Variants in XYLT1 observed in about 807,000 individuals in gnomAD.
The protein encoded by XYLT1 is xylosyltransferase 1.
A neutral mutation model predicts 91.3 loss-of-function variants in XYLT1; 36 were observed. The observed-to-expected ratio is 0.39, with a 90% CI of 0.30 to 0.52. The LOEUF is 0.52. Among genes scored for constraint, XYLT1 ranks in the 20% least tolerant of loss-of-function variants. The probability of loss-of-function intolerance (pLI) is 0.68; values close to 1 mark genes in which losing one functional copy is unlikely to be tolerated. For missense variants in XYLT1, 1,242 were observed against 1,284.5 expected, an observed-to-expected ratio of 0.97 and a Z score of 0.51; for synonymous variants, 588 against 532.0, an observed-to-expected ratio of 1.11 and a Z score of -1.45.
At chr16:17,442,257 CGT>C (rs1444518970) in intron 1 of XYLT1, among the ~76,000 whole-genome samples, 1 of 152,136 alleles carries the variant, frequency 6.6e-6, no homozygotes, top group African/African-American at 2.4e-5. Flanking sequence ...AAACTGTATG[CGT>C]GTGTCTCATA....
chr16:17,136,424 A>G (rs904529709), intron 8 of XYLT1, among the ~76,000 whole-genome samples: 1 of 152,178 alleles, frequency 6.6e-6, no homozygotes, highest in African/African-American at 2.4e-5. Context: ...GGTGGGGAGC[A>G]CAGCTTAGCA....
chr16:17,421,786 A>C (rs1275765020), intron 1 of XYLT1, among the ~76,000 whole-genome samples: 5 of 152,200 alleles, frequency 3.3e-5, no homozygotes, highest in African/African-American at 2.4e-5. Context: ...AACAAAATTA[A>C]TGTTTTAAGC....
At position 17,398,813 on chromosome 16, in the gene XYLT1, T is replaced by TCCCCCC. The variant is rs1209582727; in HGVS notation, c.364-40764_364-40763insGGGGGG. Among the ~76,000 whole-genome samples, 117 of 60,946 alleles carry TCCCCCC rather than the reference T, an allele frequency of 1.9e-3. 1 individual carries two copies. Among genetic ancestry groups the TCCCCCC allele is most frequent in the African/African-American group, 2.7e-3 (34 of 12,484 alleles). 40.0% of individuals were successfully genotyped at this position (60,946 alleles called of 152,430 possible). On this transcript the variant is annotated intron_variant, in intron 1 of 11. Transcript: ENST00000261381. ...CTGTGTGCATGGCTATGTCCAAATG[T>TCCCCCC]CCCCGCCCCCCCCCACTGTTTTTTT... is the stretch of plus-strand genomic sequence containing the variant.
chr16:17,213,098 T>C (rs914493432), intron 3 of XYLT1, among the ~76,000 whole-genome samples: 1 of 151,876 alleles, frequency 6.6e-6, no homozygotes, highest in Non-Finnish European at 1.5e-5. Context: ...TGGTGGGAGG[T>C]GACTGGATCA....
chr16:17,213,626 CTTTTT>C (rs905505459), intron 3 of XYLT1, among the ~76,000 whole-genome samples: 2 of 148,912 alleles, frequency 1.3e-5, no homozygotes, highest in African/African-American at 2.5e-5. Context: ...CTTTTCTTTT[CTTTTT>C]TTTTTGAGAC....
At chr16:17,335,233 A>T (rs1235440243) in intron 2 of XYLT1, among the ~76,000 whole-genome samples, 1 of 149,558 alleles carries the variant, frequency 6.7e-6, no homozygotes, top group East Asian at 1.9e-4. Context: ...AAACAAAAAA[A>T]CAATAACAAA....
intron 2 of XYLT1, among the ~76,000 whole-genome samples, chr16:17,323,306 T>G (rs906278667): frequency 1.2e-4 from 18 of 152,230 alleles, no homozygotes; most frequent in Non-Finnish European, 2.9e-5. Context: ...TCACGGAGAT[T>G]AGACTAAAAC....
intron 2 of XYLT1, among the ~76,000 whole-genome samples, chr16:17,265,390 C>T (rs1353043732): frequency 3.3e-5 from 5 of 152,208 alleles, no homozygotes; most frequent in Non-Finnish European, 5.9e-5. Context: ...TTGTGATCAA[C>T]TGGCATCATC....
intron 1 of XYLT1, among the ~76,000 whole-genome samples, chr16:17,361,664 C>T (rs1446584766): frequency 6.6e-6 from 1 of 152,182 alleles, no homozygotes; most frequent in Non-Finnish European, 1.5e-5. Context: ...TTGCATGCCT[C>T]TGAATTAGCC....
intron 5 of XYLT1, among the ~76,000 whole-genome samples, chr16:17,197,577 C>G (rs1011195898): frequency 3.9e-5 from 6 of 151,974 alleles, no homozygotes; most frequent in African/African-American, 1.5e-4. Flanking sequence ...AAAGGCAGAC[C>G]CACTCTCAGT....
At chr16:17,141,460 T>A in intron 6 of XYLT1, 91 bp from the exon 7 acceptor site, 1 of 1,287,396 alleles carries the variant, frequency 7.8e-7, no homozygotes, top group Non-Finnish European at 1.1e-6. Context: ...ATCATAGCGA[T>A]GATGGCAATT....
chr16:17,278,603 A>C (rs1344232718), intron 2 of XYLT1, among the ~76,000 whole-genome samples: 1 of 152,198 alleles, frequency 6.6e-6, no homozygotes, highest in African/African-American at 2.4e-5. Flanking sequence ...GCTCCACTTC[A>C]TCATCTGTTG....
At chr16:17,330,421 C>T (rs752480593) in intron 2 of XYLT1, among the ~76,000 whole-genome samples, 4 of 152,128 alleles carry the variant, frequency 2.6e-5, no homozygotes, top group East Asian at 1.9e-4. Context: ...ATCAAAGACC[C>T]GCATCGTTTC....
At chr16:17,243,614 G>A (rs1026127738) in intron 3 of XYLT1, among the ~76,000 whole-genome samples, 1 of 152,186 alleles carries the variant, frequency 6.6e-6, no homozygotes, top group African/African-American at 2.4e-5. Context: ...CCCGAGTGAG[G>A]GAGGGGCACA....
chr16:17,141,343 C>T lies in XYLT1; in HGVS notation c.1397G>A (p.Arg466Gln), dbSNP rs778958804. 1.2e-5 allele frequency: 19 copies of T among 1,614,082 alleles called. No individual in the cohort carries two copies. Among genetic ancestry groups the T allele is most frequent in the Admixed American group, 1.7e-5 (1 of 60,020 alleles). The change falls in exon 7 of 12, where the codon CGG becomes CAG. Residue 466 changes from arginine (R) to glutamine (Q), a missense_variant. Coordinates refer to ENST00000261381, the MANE Select transcript of XYLT1 (RefSeq NM_022166.4). ...ARFIRKQGLD[R>Q]LFLECDAHMW... ...GTGAGCGTCGCACTCCAGGAAGAGC[C>T]GATCCAGGCCCTGCTTCCGAATGAA... is the stretch of plus-strand genomic sequence containing the variant.
intron 2 of XYLT1, among the ~76,000 whole-genome samples, chr16:17,273,863 T>C (rs774919693): frequency 1.3e-5 from 2 of 149,202 alleles, no homozygotes; most frequent in Non-Finnish European, 3.0e-5. Context: ...AAAAAAAAAT[T>C]GAGAAGTGCT....
chr16:17,261,822 T>C (rs984636126), intron 2 of XYLT1, among the ~76,000 whole-genome samples: 9 of 152,104 alleles, frequency 5.9e-5, no homozygotes, highest in Non-Finnish European at 1.0e-4. Context: ...CCAGTCCATA[T>C]TGGGTCACAG....
chr16:17,327,869 G>A (rs934781481), intron 2 of XYLT1, among the ~76,000 whole-genome samples: 1 of 152,056 alleles, frequency 6.6e-6, no homozygotes, highest in Non-Finnish European at 1.5e-5. Flanking sequence ...GTAACTAACA[G>A]CCAGCTCTGG....
chr16:17,242,939 T>C (rs1238986412), intron 3 of XYLT1, among the ~76,000 whole-genome samples: 2 of 152,244 alleles, frequency 1.3e-5, no homozygotes, highest in South Asian at 2.1e-4. Flanking sequence ...CAGCATGCGA[T>C]AGGGTCTTCT....
Sources: gnomAD v4.1 joint callset for allele counts (sites outside exome capture counted in the v4.1 genomes callset) on GRCh38, gnomAD v4.1.1 for gene constraint, MANE v1.5 for transcripts, NCBI Gene and HGNC (gene_info 2026-07-23, HGNC 2026-07-21) for gene names.